The following WWOX variants were observed in gnomAD, a reference collection of about 807,000 sequenced individuals.
WWOX encodes WW domain-containing oxidoreductase.
WWOX carries 69 observed loss-of-function variants against 46.2 expected under a neutral mutation model. That is an observed-to-expected ratio of 1.49 (90% confidence interval 1.23 to 1.82). The LOEUF is 1.82. WWOX is among the 40% of genes most tolerant of loss of function. The probability of loss-of-function intolerance (pLI) is 0.00; values close to 1 mark genes in which losing one functional copy is unlikely to be tolerated. For synonymous variants in WWOX, 359 were observed against 202.6 expected, an observed-to-expected ratio of 1.77 and a Z score of -6.56; for missense variants, 919 against 542.6, an observed-to-expected ratio of 1.69 and a Z score of -6.89.
At chr16:78,272,121 T>A (rs2079488391) in intron 5 of WWOX, among the ~76,000 whole-genome samples, 1 of 152,094 alleles carries the variant, frequency 6.6e-6, no homozygotes, top group African/African-American at 2.4e-5. Flanking sequence ...CAACAACCAT[T>A]TTGTTTTATC....
intron 8 of WWOX, among the ~76,000 whole-genome samples, chr16:78,776,243 G>T (rs1335135413): frequency 6.6e-6 from 1 of 152,132 alleles, no homozygotes; most frequent in Non-Finnish European, 1.5e-5. Flanking sequence ...GTGAACAACA[G>T]CAGCACAGGC....
intron 8 of WWOX, among the ~76,000 whole-genome samples, chr16:78,448,503 C>T (rs891813305): frequency 6.6e-6 from 1 of 152,020 alleles, no homozygotes; most frequent in Non-Finnish European, 1.5e-5. Flanking sequence ...AAAGCTGGTG[C>T]CCCAAAAGAA....
At chr16:78,303,212 T>A (rs1458823857) in intron 5 of WWOX, among the ~76,000 whole-genome samples, 2 of 151,896 alleles carry the variant, frequency 1.3e-5, no homozygotes, top group Admixed American at 6.5e-5. Context: ...ATCTCTAATT[T>A]ATGTTACTTA....
At chr16:79,066,559 T>C (rs537921821) in intron 8 of WWOX, among the ~76,000 whole-genome samples, 1 of 152,278 alleles carries the variant, frequency 6.6e-6, no homozygotes, top group East Asian at 1.9e-4. Context: ...GGAAGCCTCA[T>C]TGGATTTCTT....
intron 8 of WWOX, among the ~76,000 whole-genome samples, chr16:78,437,142 C>G (rs76145350): frequency 0.069 from 10,446 of 152,214 alleles, 407 homozygotes; most frequent in South Asian, 0.09. Flanking sequence ...CCCAGACTTG[C>G]GCTCGGAAGC....
At chr16:78,321,341 T>C (rs1464884379) in intron 5 of WWOX, among the ~76,000 whole-genome samples, 2 of 53,826 alleles carry the variant, frequency 3.7e-5, no homozygotes, top group South Asian at 1.1e-3. Context: ...TATATGCGTA[T>C]ATATATACGT....
intron 8 of WWOX, among the ~76,000 whole-genome samples, chr16:78,652,086 G>A (rs973535470): frequency 2.0e-5 from 3 of 152,130 alleles, no homozygotes; most frequent in Admixed American, 6.5e-5. Flanking sequence ...ATGTCCAGAA[G>A]CCAGCTTGAG....
chr16:78,382,197 T>G (rs1427796605), intron 5 of WWOX, among the ~76,000 whole-genome samples: 3 of 152,180 alleles, frequency 2.0e-5, no homozygotes, highest in African/African-American at 7.2e-5. Context: ...TGTTTTTATT[T>G]CTCCTCTTTC....
intron 8 of WWOX, among the ~76,000 whole-genome samples, chr16:79,106,427 A>T (rs929107394): frequency 6.6e-6 from 1 of 152,096 alleles, no homozygotes; most frequent in African/African-American, 2.4e-5. Flanking sequence ...TACTGACTTA[A>T]TCAAGATTGA....
chr16:78,947,506 C>T (rs1425740157), intron 8 of WWOX, among the ~76,000 whole-genome samples: 1 of 152,192 alleles, frequency 6.6e-6, no homozygotes, highest in Non-Finnish European at 1.5e-5. Context: ...TCAGTGAATG[C>T]AGAGTCGGCT....
chr16:79,013,063 C>T (rs1296798351), intron 8 of WWOX, among the ~76,000 whole-genome samples: 1 of 152,038 alleles, frequency 6.6e-6, no homozygotes, highest in Non-Finnish European at 1.5e-5. Flanking sequence ...AGCAAGACTC[C>T]GTTTCACAAA....
At chr16:79,130,235 A>G (rs1334665984) in intron 8 of WWOX, among the ~76,000 whole-genome samples, 2 of 152,240 alleles carry the variant, frequency 1.3e-5, no homozygotes, top group Non-Finnish European at 2.9e-5. Flanking sequence ...TCAGTACCAC[A>G]TACAACAGAG....
intron 4 of WWOX, among the ~76,000 whole-genome samples, chr16:78,161,064 CT>C (rs930820138): frequency 6.6e-6 from 1 of 151,004 alleles, no homozygotes; most frequent in African/African-American, 2.4e-5. Context: ...GCTTTAGAGT[CT>C]TTTTTTTCTG....
At chr16:78,556,611 T>C (rs1008596610) in intron 8 of WWOX, among the ~76,000 whole-genome samples, 2 of 152,184 alleles carry the variant, frequency 1.3e-5, no homozygotes, top group African/African-American at 4.8e-5. Flanking sequence ...CCACGACTGC[T>C]GTCTGTGTTT....
intron 8 of WWOX, among the ~76,000 whole-genome samples, chr16:78,603,380 G>T (rs930784614): frequency 6.6e-6 from 1 of 152,136 alleles, no homozygotes; most frequent in Non-Finnish European, 1.5e-5. Context: ...TGGGTGATCA[G>T]GCAAACTACA....
intron 8 of WWOX, among the ~76,000 whole-genome samples, chr16:79,127,271 C>T (rs752131598): frequency 1.3e-4 from 20 of 152,044 alleles, no homozygotes; most frequent in African/African-American, 4.1e-4. Context: ...CCTAATTCCT[C>T]TTCTGAACCG....
intron 8 of WWOX, among the ~76,000 whole-genome samples, chr16:78,808,907 G>T (rs544750458): frequency 1.6e-4 from 24 of 152,154 alleles, no homozygotes; most frequent in African/African-American, 4.8e-4. Flanking sequence ...TCTAAATTCC[G>T]TTAGGCCATT....
intron 8 of WWOX, among the ~76,000 whole-genome samples, chr16:78,493,187 T>G (rs2151464200): frequency 6.6e-6 from 1 of 152,300 alleles, no homozygotes; most frequent in South Asian, 2.1e-4. Context: ...CTTAATGGAA[T>G]AATACATGTT....
chr16:79,209,916 AGCCACACAAATCAAT>A (rs2051659839), intron 8 of WWOX, among the ~76,000 whole-genome samples: 2 of 152,356 alleles, frequency 1.3e-5, no homozygotes, highest in South Asian at 4.1e-4. Flanking sequence ...ATTAGACTTG[AGCCACACAAATCAAT>A]GGGAAAAGAA....
Sources: allele counts gnomAD v4.1 joint callset (sites outside exome capture counted in the v4.1 genomes callset), GRCh38; gene constraint gnomAD v4.1.1; transcripts MANE v1.5; gene names NCBI Gene and HGNC (gene_info 2026-07-23, HGNC 2026-07-21).